The following KCNAB1 variants were observed in gnomAD, a reference collection of about 807,000 sequenced individuals.
KCNAB1 encodes the protein voltage-gated potassium channel subunit beta-1.
Under a neutral mutation model 64.6 loss-of-function variants are expected in KCNAB1, and 35 were observed. That is an observed-to-expected ratio of 0.54 (90% CI 0.41 to 0.72). The LOEUF is 0.72. Among genes scored for constraint, KCNAB1 ranks in the 30% least tolerant of loss-of-function variants. The probability of loss-of-function intolerance (pLI) is 0.00; values close to 1 mark genes in which losing one functional copy is unlikely to be tolerated. For missense variants in KCNAB1, 401 were observed against 512.9 expected, an observed-to-expected ratio of 0.78 and a Z score of 2.11; for synonymous variants, 177 against 183.8, an observed-to-expected ratio of 0.96 and a Z score of 0.30.
chr3:156,381,019 G>T (rs928378153), intron 1 of KCNAB1, among the ~76,000 whole-genome samples: 1 of 152,162 alleles, frequency 6.6e-6, no homozygotes, highest in Non-Finnish European at 1.5e-5. Flanking sequence ...GTGAGGCGAT[G>T]CATTTGTTAA....
rs184227341 is a variant in KCNAB1, at chr3:156,194,677, C to G, written c.275+73791C>G. On this transcript the variant is annotated intron_variant, in intron 1 of 13. Coordinates refer to ENST00000490337, the MANE Select transcript of KCNAB1 (RefSeq NM_172160.3). ...TTTTCAATTTTTAAAATTCCCACGT[C>G]CCCCAGTTTTCAGGGATTTTAATTA... 2.7e-3 allele frequency among the ~76,000 whole-genome samples: 410 copies of G among 152,230 alleles called. 2 individuals carry two copies. Among genetic ancestry groups the G allele is most frequent in the Non-Finnish European group, 4.6e-3 (310 of 67,996 alleles).
intron 8 of KCNAB1, among the ~76,000 whole-genome samples, chr3:156,507,992 A>T (rs1420048698): frequency 6.6e-6 from 1 of 152,222 alleles, no homozygotes; most frequent in East Asian, 1.9e-4. Flanking sequence ...TTTACATAAA[A>T]GTATAACATA....
intron 11 of KCNAB1, chr3:156,523,622 C>CA: frequency 9.4e-6 from 5 of 532,892 alleles, no homozygotes; most frequent in Non-Finnish European, 1.7e-5. Context: ...GAATATTAGT[C>CA]AAAATCAATC....
At chr3:156,222,645 A>C (rs562430798) in intron 1 of KCNAB1, among the ~76,000 whole-genome samples, 51 of 152,360 alleles carry the variant, frequency 3.3e-4, no homozygotes, top group African/African-American at 1.1e-3. Flanking sequence ...TCATCAGCAC[A>C]TGGAACATTC....
chr3:156,185,111 G>A (rs896903992), intron 1 of KCNAB1, among the ~76,000 whole-genome samples: 1 of 152,166 alleles, frequency 6.6e-6, no homozygotes, highest in Non-Finnish European at 1.5e-5. Context: ...TGGTCTAGAG[G>A]CCTTTCCACT....
intron 1 of KCNAB1, among the ~76,000 whole-genome samples, chr3:156,382,874 G>A (rs1216441652): frequency 1.3e-5 from 2 of 152,294 alleles, no homozygotes; most frequent in South Asian, 2.1e-4. Context: ...GTTACATGTC[G>A]CTGAGGTGTG....
intron 1 of KCNAB1, among the ~76,000 whole-genome samples, chr3:156,361,212 G>C (rs1304214312): frequency 6.6e-6 from 1 of 152,056 alleles, no homozygotes. Context: ...TCCTCTAACA[G>C]ACCAAGCCCC....
intron 1 of KCNAB1, among the ~76,000 whole-genome samples, chr3:156,356,450 A>T (rs945962497): frequency 6.6e-6 from 1 of 151,992 alleles, no homozygotes; most frequent in African/African-American, 2.4e-5. Context: ...GGGGGCAGGG[A>T]TCATCCACCC....
chr3:156,422,879 G>A (rs1450134451), intron 2 of KCNAB1, among the ~76,000 whole-genome samples: 6 of 152,136 alleles, frequency 3.9e-5, no homozygotes, highest in Non-Finnish European at 5.9e-5. Flanking sequence ...AGCAACCAGC[G>A]CAGCAGGAGA....
chr3:156,419,454 T>C (rs1165575346), intron 1 of KCNAB1, among the ~76,000 whole-genome samples: 3 of 150,062 alleles, frequency 2.0e-5, no homozygotes, highest in African/African-American at 7.4e-5. Context: ...TGAGCCGAGA[T>C]TGCACCACTG....
intron 1 of KCNAB1, among the ~76,000 whole-genome samples, chr3:156,338,303 CTTTTTT>C (rs34671816): frequency 0.14 from 5,559 of 39,618 alleles, 472 homozygotes; most frequent in Middle Eastern, 0.33. Context: ...GGCATTTGCA[CTTTTTT>C]TTTTTTTTTT....
chr3:156,286,050 G>A (rs1465776169), intron 1 of KCNAB1, among the ~76,000 whole-genome samples: 1 of 152,212 alleles, frequency 6.6e-6, no homozygotes, highest in African/African-American at 2.4e-5. Context: ...CCTGCCTTCA[G>A]AGTTTCTCAG....
At chr3:156,277,456 G>A (rs1256998819) in intron 1 of KCNAB1, among the ~76,000 whole-genome samples, 1 of 152,132 alleles carries the variant, frequency 6.6e-6, no homozygotes, top group Admixed American at 6.6e-5. Context: ...TATGTGTGAA[G>A]TGCAATAAAG....
chr3:156,284,829 G>A (rs915776938), intron 1 of KCNAB1, among the ~76,000 whole-genome samples: 120 of 152,304 alleles, frequency 7.9e-4, no homozygotes, highest in Non-Finnish European at 1.3e-3. Flanking sequence ...TTCGGCTCGC[G>A]CACGATGCGC....
chr3:156,341,012 C>T (rs1273113187), intron 1 of KCNAB1, among the ~76,000 whole-genome samples: 1 of 152,166 alleles, frequency 6.6e-6, no homozygotes, highest in South Asian at 2.1e-4. Context: ...AGAAAAGAGA[C>T]ACTCCTCCTG....
At chr3:156,236,666 ACTT>A (rs1449572505) in intron 1 of KCNAB1, among the ~76,000 whole-genome samples, 8 of 152,088 alleles carry the variant, frequency 5.3e-5, no homozygotes, top group Non-Finnish European at 7.4e-5. Context: ...TATTCTGCAG[ACTT>A]CTTCTTTTCT....
At chr3:156,500,593 TAAC>T (rs999729419) in intron 8 of KCNAB1, among the ~76,000 whole-genome samples, 2 of 152,174 alleles carry the variant, frequency 1.3e-5, no homozygotes, top group African/African-American at 4.8e-5. Flanking sequence ...AAATGAAGGG[TAAC>T]AACAACTTAT....
rs968874153 is a variant in KCNAB1, at chr3:156,417,214, T to TA, written c.276-4394dup. On this transcript the variant is annotated intron_variant, in intron 1 of 13. Coordinates refer to ENST00000490337, the MANE Select transcript of KCNAB1 (RefSeq NM_172160.3). ...TGTACATTATTAAATGTGCATTTCT[T>TA]AAAAAAAACAAACAAACCCAAATCT... Among the ~76,000 whole-genome samples the TA allele has an allele frequency of 5.6e-3, 847 of 152,142 alleles. 13 individuals carry two copies. The highest frequency in any genetic ancestry group is 0.018 in the African/African-American group (754 of 41,482).
chr3:156,212,975 G>A (rs1715105268), intron 1 of KCNAB1, among the ~76,000 whole-genome samples: 1 of 152,108 alleles, frequency 6.6e-6, no homozygotes, highest in Non-Finnish European at 1.5e-5. Flanking sequence ...AATGAGGAGT[G>A]ATGTTTCAAA....
Sources: allele counts gnomAD v4.1 joint callset (sites outside exome capture counted in the v4.1 genomes callset), GRCh38; gene constraint gnomAD v4.1.1; transcripts MANE v1.5; gene names NCBI Gene and HGNC (gene_info 2026-07-23, HGNC 2026-07-21).